Variants in FARP1 observed in about 807,000 individuals in gnomAD.
FARP1 encodes FERM, ARH/RhoGEF and pleckstrin domain protein 1.
FARP1 carries 52 observed loss-of-function variants against 128.8 expected under a neutral mutation model. The ratio of observed to expected loss-of-function variants is 0.40; its 90% CI spans 0.32 to 0.51. The LOEUF is 0.51. Ranked by LOEUF, FARP1 falls within the 20% of genes least tolerant of loss-of-function variation. The pLI is 0.45. For synonymous variants in FARP1, 580 were observed against 551.8 expected, an observed-to-expected ratio of 1.05 and a Z score of -0.72; for missense variants, 1,333 against 1,367.9, an observed-to-expected ratio of 0.97 and a Z score of 0.40.
chr13:98,361,900 C>T (rs77542366), intron 3 of FARP1, among the ~76,000 whole-genome samples: 2,178 of 152,246 alleles, frequency 0.014, 43 homozygotes, highest in African/African-American at 0.046. Context: ...CTTTGGATAT[C>T]GGTCATCGCC....
intron 3 of FARP1, among the ~76,000 whole-genome samples, chr13:98,351,684 T>C (rs1344938546): frequency 2.0e-5 from 3 of 151,510 alleles, no homozygotes; most frequent in Non-Finnish European, 4.4e-5. Context: ...TCTATAAGCA[T>C]GGTGAGGCCT....
rs556461595 is a variant in FARP1, at chr13:98,395,280, C to T, written c.1218C>T (p.Gly406=). 1.8e-4 allele frequency: 296 copies of T among 1,608,960 alleles called. No homozygotes were observed. Among genetic ancestry groups the T allele is most frequent in the Non-Finnish European group, 2.4e-4 (277 of 1,176,100 alleles). Residue 406 remains glycine (G), a synonymous_variant, in exon 13 of 27, where the codon GGC becomes GGT. Coordinates refer to ENST00000319562, the MANE Select transcript of FARP1 (RefSeq NM_005766.4). ...TFGEGAESPG[G]QSCRRGKEPK... is the part of the protein sequence containing the mutation. ...GAGAAGGTGCCGAATCTCCAGGGGG[C>T]CAGAGCTGCCGGCGAGGAAAGGAAC...
chr13:98,287,566 T>C (rs1259483513), intron 2 of FARP1, among the ~76,000 whole-genome samples: 1 of 152,044 alleles, frequency 6.6e-6, no homozygotes, highest in Non-Finnish European at 1.5e-5. Context: ...ACTTTGCTTT[T>C]ACACATTGGC....
chr13:98,416,398 GAA>G (rs1310957495), intron 16 of FARP1, among the ~76,000 whole-genome samples: 1 of 152,186 alleles, frequency 6.6e-6, no homozygotes, highest in Non-Finnish European at 1.5e-5. Flanking sequence ...ACAGGGCAGA[GAA>G]AGTCTCAGGA....
At chr13:98,185,633 A>G (rs1878809158) in intron 1 of FARP1, among the ~76,000 whole-genome samples, 1 of 137,566 alleles carries the variant, frequency 7.3e-6, no homozygotes, top group African/African-American at 2.6e-5. Context: ...GGTGATTTTG[A>G]TTCTGATAAT....
chr13:98,200,923 C>A (rs1879898896), intron 1 of FARP1, among the ~76,000 whole-genome samples: 2 of 151,782 alleles, frequency 1.3e-5, no homozygotes, highest in South Asian at 4.2e-4. Context: ...AATTGAGATT[C>A]ATAGTTGTAT....
At chr13:98,395,992 CAGGGT>C in intron 13 of FARP1, 1 of 399,184 alleles carries the variant, frequency 2.5e-6, no homozygotes, top group Non-Finnish European at 4.4e-6. Context: ...TCTCCCGGAC[CAGGGT>C]CCTCCTTATG....
At chr13:98,251,908 C>T (rs371833776) in intron 2 of FARP1, among the ~76,000 whole-genome samples, 6 of 152,146 alleles carry the variant, frequency 3.9e-5, no homozygotes, top group Admixed American at 6.5e-5. Context: ...TGTGCAGTGA[C>T]GCAATCTTGG....
intron 5 of FARP1, among the ~76,000 whole-genome samples, chr13:98,375,776 G>A (rs959614428): frequency 2.0e-5 from 3 of 152,044 alleles, no homozygotes; most frequent in African/African-American, 7.2e-5. Context: ...TTACAGGGGC[G>A]CATCACCACA....
chr13:98,252,833 C>T (rs1449227211), intron 2 of FARP1, among the ~76,000 whole-genome samples: 2 of 152,136 alleles, frequency 1.3e-5, no homozygotes, highest in Non-Finnish European at 2.9e-5. Context: ...CAGTGAGCCC[C>T]GGTGATCATG....
chr13:98,392,322 C>T (rs1890337014), intron 11 of FARP1, among the ~76,000 whole-genome samples: 1 of 88,312 alleles, frequency 1.1e-5, no homozygotes, highest in African/African-American at 5.9e-5. Context: ...TCATCTCTAC[C>T]CAAAAAAAAA....
intron 2 of FARP1, among the ~76,000 whole-genome samples, chr13:98,272,035 T>G (rs1183100489): frequency 6.6e-6 from 1 of 152,088 alleles, no homozygotes; most frequent in Non-Finnish European, 1.5e-5. Context: ...CATTTTTTTT[T>G]CTTTTTCTTT....
intron 13 of FARP1, chr13:98,407,530 G>A (rs1317216097): frequency 6.6e-6 from 1 of 152,096 alleles, no homozygotes; most frequent in Non-Finnish European, 1.5e-5. Context: ...TCTGGGTCTG[G>A]TGGTGTTTCG....
intron 2 of FARP1, among the ~76,000 whole-genome samples, chr13:98,316,219 G>C (rs1340045848): frequency 6.6e-6 from 1 of 152,116 alleles, no homozygotes; most frequent in Non-Finnish European, 1.5e-5. Context: ...GCTCGAACCA[G>C]CTGTCCCCTA....
chr13:98,446,224 G>A lies in FARP1; in HGVS notation c.2904+19G>A, dbSNP rs768087719. On this transcript the variant is annotated intron_variant, in intron 25 of 26. Coordinates refer to ENST00000319562, the MANE Select transcript of FARP1 (RefSeq NM_005766.4). Reference sequence around the variant, plus strand: ...ACACCAGGTAAGTGTCTCGCACAGGGCAGGTGGCCCTGGGACCTTGGGGGT... The same window carrying A: ...ACACCAGGTAAGTGTCTCGCACAGGACAGGTGGCCCTGGGACCTTGGGGGT... 14 of 1,554,086 alleles carry A rather than the reference G, an allele frequency of 9.0e-6. No individual in the cohort carries two copies. The highest frequency in any genetic ancestry group is 2.2e-5 in the South Asian group (2 of 89,444).
rs59563210 is a variant in FARP1, at chr13:98,378,189, A to G, written c.496+271A>G. Reference sequence around the variant, plus strand: ...GCAGTTGATACTTCAGTTGTCTTAAAGGATAAGCTTGGATGGATGGTTGCC... The same window carrying G: ...GCAGTTGATACTTCAGTTGTCTTAAGGGATAAGCTTGGATGGATGGTTGCC... On this transcript the variant is annotated intron_variant, in intron 6 of 26. Transcript: ENST00000319562. 1.6e-3 allele frequency among the ~76,000 whole-genome samples: 245 copies of G among 152,342 alleles called. 1 individual carries two copies. Among genetic ancestry groups the G allele is most frequent in the African/African-American group, 5.6e-3 (231 of 41,590 alleles).
At chr13:98,315,045 G>A (rs747118524) in intron 2 of FARP1, among the ~76,000 whole-genome samples, 4 of 152,218 alleles carry the variant, frequency 2.6e-5, no homozygotes, top group Admixed American at 2.0e-4. Context: ...ACAGGACAGC[G>A]CTCCCAGGGC....
intron 2 of FARP1, among the ~76,000 whole-genome samples, chr13:98,266,365 C>T (rs1398874714): frequency 6.6e-6 from 1 of 152,142 alleles, no homozygotes; most frequent in East Asian, 1.9e-4. Flanking sequence ...TGGTCTTGGG[C>T]AGGTTTGCTC....
chr13:98,220,882 C>A (rs1881376843), intron 2 of FARP1, among the ~76,000 whole-genome samples: 1 of 151,830 alleles, frequency 6.6e-6, no homozygotes. Flanking sequence ...ACCAGTATAA[C>A]CTAATTAAAA....
Sources: gnomAD v4.1 joint callset for allele counts (sites outside exome capture counted in the v4.1 genomes callset) on GRCh38, gnomAD v4.1.1 for gene constraint, MANE v1.5 for transcripts, NCBI Gene and HGNC (gene_info 2026-07-23, HGNC 2026-07-21) for gene names.